Variants in PTPN1 observed in about 807,000 individuals in gnomAD.
PTPN1 encodes protein tyrosine phosphatase non-receptor type 1.
PTPN1 carries 12 observed loss-of-function variants against 59.9 expected under a neutral mutation model. The observed-to-expected ratio is 0.20, with a 90% CI of 0.13 to 0.32. PTPN1 has a LOEUF of 0.32. PTPN1 is among the 10% of genes least tolerant of loss of function. The probability of loss-of-function intolerance (pLI) is 1.00; values close to 1 mark genes in which losing one functional copy is unlikely to be tolerated. For missense variants in PTPN1, 356 were observed against 549.2 expected (o/e 0.65, Z 3.52); for synonymous variants, 178 against 203.6 (o/e 0.87, Z 1.07).
intron 7 of PTPN1, 95 bp downstream of exon 7, chr20:50,579,424 G>A: frequency 1.5e-6 from 2 of 1,378,022 alleles, no homozygotes; most frequent in Non-Finnish European, 2.0e-6. Flanking sequence ...ACACCGTCTG[G>A]TGTCAGGGGA....
At chr20:50,536,583 A>G (rs2122743317) in intron 1 of PTPN1, among the ~76,000 whole-genome samples, 1 of 152,364 alleles carries the variant, frequency 6.6e-6, no homozygotes, top group Middle Eastern at 3.4e-3. Context: ...AACACAGGGA[A>G]GGCGTGTGGC....
chr20:50,533,111 A>G (rs1203556746), intron 1 of PTPN1, among the ~76,000 whole-genome samples: 1 of 152,036 alleles, frequency 6.6e-6, no homozygotes, highest in Non-Finnish European at 1.5e-5. Flanking sequence ...TTTTGAAATA[A>G]ATATATAGTT....
chr20:50,539,492 T>G (rs2082639212), intron 1 of PTPN1, among the ~76,000 whole-genome samples: 1 of 152,202 alleles, frequency 6.6e-6, no homozygotes, highest in African/African-American at 2.4e-5. Context: ...AATGTTTGGA[T>G]CACATTTTCT....
chr20:50,554,802 A>G (rs1024786470), intron 1 of PTPN1, among the ~76,000 whole-genome samples: 6 of 152,188 alleles, frequency 3.9e-5, no homozygotes, highest in African/African-American at 1.2e-4. Flanking sequence ...GAAAATAAAG[A>G]GATATGGCTA....
chr20:50,548,876 C>T lies in PTPN1; in HGVS notation c.64-12487C>T, dbSNP rs6096003. ...GGGGTTACAGTTGCGTGCCACCACA[C>T]CTAGCTAATTTTTGTGTTTTTAGTA... On this transcript the variant is annotated intron_variant, in intron 1 of 9. Coordinates refer to ENST00000371621, the MANE Select transcript of PTPN1 (RefSeq NM_002827.4). Among the ~76,000 whole-genome samples, 869 of 152,158 alleles carry T rather than the reference C, an allele frequency of 5.7e-3. 9 individuals are homozygous for T. The highest frequency in any genetic ancestry group is 0.02 in the African/African-American group (823 of 41,508).
At chr20:50,543,758 G>A (rs903208652) in intron 1 of PTPN1, among the ~76,000 whole-genome samples, 14 of 152,132 alleles carry the variant, frequency 9.2e-5, no homozygotes, top group Admixed American at 1.3e-4. Context: ...TTCCAATATC[G>A]AAGAAGAAGA....
At chr20:50,580,978 A>G (rs1316200183) in intron 8 of PTPN1, among the ~76,000 whole-genome samples, 1 of 152,168 alleles carries the variant, frequency 6.6e-6, no homozygotes, top group Non-Finnish European at 1.5e-5. Context: ...CCAGCCAGAT[A>G]AATCCTCACA....
intron 4 of PTPN1, among the ~76,000 whole-genome samples, chr20:50,570,158 A>T (rs1426253634): frequency 6.6e-6 from 1 of 152,260 alleles, no homozygotes; most frequent in Non-Finnish European, 1.5e-5. Flanking sequence ...GAAGGAACAC[A>T]TCAAAGGAAA....
intron 1 of PTPN1, among the ~76,000 whole-genome samples, chr20:50,552,160 A>G (rs1277702131): frequency 2.0e-5 from 3 of 152,136 alleles, no homozygotes; most frequent in Non-Finnish European, 4.4e-5. Context: ...TAGTCTACTT[A>G]CTTTCTTCCA....
At chr20:50,515,312 C>T (rs147494717) in intron 1 of PTPN1, among the ~76,000 whole-genome samples, 50 of 152,324 alleles carry the variant, frequency 3.3e-4, no homozygotes, top group Non-Finnish European at 5.1e-4. Context: ...ATGCCTCTCC[C>T]GTTCAATCTA....
At chr20:50,511,544 T>C (rs554322412) in intron 1 of PTPN1, among the ~76,000 whole-genome samples, 1 of 152,332 alleles carries the variant, frequency 6.6e-6, no homozygotes, top group Non-Finnish European at 1.5e-5. Flanking sequence ...GCATCTTTCC[T>C]CAATGAGCAG....
At chr20:50,549,872 C>T (rs372500496) in intron 1 of PTPN1, among the ~76,000 whole-genome samples, 23 of 151,818 alleles carry the variant, frequency 1.5e-4, no homozygotes, top group Non-Finnish European at 3.1e-4. Flanking sequence ...TAAATTATAT[C>T]GTTTCATTAA....
Position 50,579,194 on chromosome 20 carries a change from C to A in PTPN1, c.729C>A (p.Ser243=), listed in dbSNP as rs748354118. The change falls in exon 7 of 10, where the codon TCC becomes TCA. Residue 243 remains serine, a synonymous_variant. Coordinates refer to ENST00000371621, the MANE Select transcript of PTPN1 (RefSeq NM_002827.4). ...LLMDKRKDPS[S]VDIKKVLLEM... The stretch of plus-strand genomic sequence containing the variant: ...TGGACAAGAGGAAAGACCCTTCTTC[C>A]GTTGATATCAAGAAAGTGCTGTTAG... 4.2e-5 allele frequency: 67 copies of A among 1,614,060 alleles called. No individual in the cohort carries two copies. The East Asian group carries it at 1.4e-3, about 33-fold the overall frequency.
At chr20:50,548,813 G>A (rs2082687792) in intron 1 of PTPN1, among the ~76,000 whole-genome samples, 1 of 152,158 alleles carries the variant, frequency 6.6e-6, no homozygotes, top group Admixed American at 6.5e-5. Context: ...TGCCTCCTGG[G>A]TTCATGCGAT....
At chr20:50,554,720 A>G (rs1000915863) in intron 1 of PTPN1, among the ~76,000 whole-genome samples, 33 of 152,316 alleles carry the variant, frequency 2.2e-4, no homozygotes, top group African/African-American at 7.5e-4. Context: ...TTTTGGTAAA[A>G]TGCACTATTA....
chr20:50,514,730 T>C (rs1300551399), intron 1 of PTPN1, among the ~76,000 whole-genome samples: 1 of 152,210 alleles, frequency 6.6e-6, no homozygotes, highest in African/African-American at 2.4e-5. Context: ...TTATGCTGAT[T>C]TGTTTCTGGT....
chr20:50,582,246 G>A lies in PTPN1; in HGVS notation c.1285-446G>A, dbSNP rs2082872592. Among the ~76,000 whole-genome samples the A allele has an allele frequency of 6.6e-6, 1 of 152,226 alleles. No individual in the cohort carries two copies. Among genetic ancestry groups the A allele is most frequent in the African/African-American group, 2.4e-5 (1 of 41,448 alleles). On this transcript the variant is annotated intron_variant, in intron 9 of 9. Transcript: ENST00000371621. This position sits in a 1 kb window ranked among gnomAD's most constrained non-coding sequence, Gnocchi z 4.2. ...ATGGGTGTCCTCGAGGCCTCTGCCT[G>A]GGGGTCAGAGGTCACCACAGGGTGG...
intron 1 of PTPN1, among the ~76,000 whole-genome samples, chr20:50,515,834 A>C (rs761491797): frequency 2.6e-5 from 4 of 152,236 alleles, no homozygotes; most frequent in African/African-American, 4.8e-5. Flanking sequence ...ATTAGCCCAC[A>C]TTAGTACCAA....
At chr20:50,543,424 T>C (rs562874652) in intron 1 of PTPN1, among the ~76,000 whole-genome samples, 1 of 152,352 alleles carries the variant, frequency 6.6e-6, no homozygotes, top group South Asian at 2.1e-4. Context: ...AAACCAACTC[T>C]ATCTAATTAT....
Sources: gnomAD v4.1 joint callset for allele counts (sites outside exome capture counted in the v4.1 genomes callset) on GRCh38, gnomAD v4.1.1 for gene constraint, Gnocchi (gnomAD v3.1) non-coding constraint, MANE v1.5 for transcripts, NCBI Gene and HGNC (gene_info 2026-07-23, HGNC 2026-07-21) for gene names.